MAP7: variants seen among roughly 807,000 people sequenced by gnomAD.
MAP7 encodes microtubule associated protein 7, also known as ensconsin.
Under a neutral mutation model 94.8 loss-of-function variants are expected in MAP7, and 52 were observed. That is an observed-to-expected ratio of 0.55 (90% CI 0.44 to 0.69). The LOEUF (loss-of-function observed/expected upper bound fraction) is 0.69, where lower values mean the gene tolerates loss of function less well. MAP7 is among the 30% of genes least tolerant of loss of function. The pLI is 0.00. For missense variants in MAP7, 940 were observed against 964.6 expected, an observed-to-expected ratio of 0.97 and a Z score of 0.34; for synonymous variants, 350 against 357.0, an observed-to-expected ratio of 0.98 and a Z score of 0.22.
chr6:136,423,756 A>G (rs558268661), intron 1 of MAP7, among the ~76,000 whole-genome samples: 32 of 148,142 alleles, frequency 2.2e-4, no homozygotes, highest in African/African-American at 7.7e-4. Context: ...CTCAGTAACA[A>G]TGGGAAAAAT....
intron 1 of MAP7, among the ~76,000 whole-genome samples, chr6:136,445,530 AC>A (rs1276423816): frequency 2.6e-5 from 4 of 152,172 alleles, no homozygotes; most frequent in African/African-American, 9.7e-5. Context: ...AATTTATAAA[AC>A]CTGTATCCTT....
chr6:136,469,144 T>C (rs1808119124), intron 1 of MAP7, among the ~76,000 whole-genome samples: 1 of 152,164 alleles, frequency 6.6e-6, no homozygotes, highest in South Asian at 2.1e-4. Context: ...CTATCAATTA[T>C]GTATCATCTT....
chr6:136,398,767 G>A (rs1783240271), intron 3 of MAP7, among the ~76,000 whole-genome samples: 1 of 152,110 alleles, frequency 6.6e-6, no homozygotes, highest in African/African-American at 2.4e-5. Context: ...CCAGTCTCAG[G>A]TATGTCTTTA....
intron 3 of MAP7, among the ~76,000 whole-genome samples, chr6:136,391,240 T>C (rs1260479263): frequency 6.6e-6 from 1 of 151,282 alleles, no homozygotes; most frequent in East Asian, 1.9e-4. Context: ...GATGAGTTCA[T>C]ATCCTTTGTA....
Position 136,344,185 on chromosome 6 carries a change from A to C in MAP7, c.*43T>G. On this transcript the variant is annotated 3_prime_UTR_variant, in exon 18 of 18. Coordinates refer to ENST00000354570, the MANE Select transcript of MAP7 (RefSeq NM_003980.6). ...AGGAAAGGAATTCCATTAATTGTAG[A>C]AATTCTCATTAAATTTCAGCTTTGG... 1 of 1,141,284 alleles carries C rather than the reference A, an allele frequency of 8.8e-7. No homozygotes were observed. Among genetic ancestry groups the C allele is most frequent in the Non-Finnish European group, 1.2e-6 (1 of 842,426 alleles). The allele number at this position is 1,141,284 out of a possible 1,614,324, so 70.7% of individuals were successfully genotyped here. A position where few individuals can be genotyped will look rare whatever the true frequency, so the allele number is the denominator to read the frequency against.
intron 6 of MAP7, among the ~76,000 whole-genome samples, chr6:136,382,943 A>C (rs1203234673): frequency 6.6e-6 from 1 of 152,216 alleles, no homozygotes; most frequent in Non-Finnish European, 1.5e-5. Context: ...AGCTTATCTT[A>C]AAAGCTTGAT....
At chr6:136,474,721 CTTT>C (rs55694865) in intron 1 of MAP7, among the ~76,000 whole-genome samples, 6 of 145,146 alleles carry the variant, frequency 4.1e-5, no homozygotes, top group Admixed American at 6.8e-5. Context: ...CAATCTAAAA[CTTT>C]TTTTTTTTTT....
intron 1 of MAP7, among the ~76,000 whole-genome samples, chr6:136,424,653 G>A (rs1048976204): frequency 3.9e-5 from 6 of 152,178 alleles, no homozygotes; most frequent in South Asian, 4.1e-4. Flanking sequence ...TCCTTCCAAC[G>A]TCTTCCCACA....
At chr6:136,529,614 C>T (rs1828310188) in intron 1 of MAP7, among the ~76,000 whole-genome samples, 1 of 152,096 alleles carries the variant, frequency 6.6e-6, no homozygotes. Flanking sequence ...TTAATAGAGG[C>T]TTTGTACAAA....
At chr6:136,438,112 A>G (rs1293642881) in intron 1 of MAP7, among the ~76,000 whole-genome samples, 3 of 152,220 alleles carry the variant, frequency 2.0e-5, no homozygotes, top group African/African-American at 7.2e-5. Flanking sequence ...CCCTTAACTG[A>G]TACTATAAAA....
intron 1 of MAP7, among the ~76,000 whole-genome samples, chr6:136,449,375 C>A (rs1800403072): frequency 6.6e-6 from 1 of 152,172 alleles, no homozygotes; most frequent in African/African-American, 2.4e-5. Flanking sequence ...TTTAACTGAG[C>A]AAAGAACAAT....
At chr6:136,489,294 A>C (rs1815780710) in intron 1 of MAP7, among the ~76,000 whole-genome samples, 1 of 152,174 alleles carries the variant, frequency 6.6e-6, no homozygotes, top group Admixed American at 6.5e-5. Context: ...AAAACAACTC[A>C]TGAAAATCCT....
Position 136,377,796 on chromosome 6 carries a change from A to T in MAP7, c.710T>A (p.Leu237Gln). 1 of 1,614,152 alleles carries T rather than the reference A, an allele frequency of 6.2e-7. No individual in the cohort carries two copies. ...NRLLTPTHSF[L>Q]ARSKSTAALS... ...GGCAGCTGTGCTTTTACTTCTGGCC[A>T]GGAACGAATGTGTGGGCGTCAGGAG... The change falls in exon 7 of 18, where the codon CTG (leucine) becomes CAG (glutamine). Residue 237 changes from leucine to glutamine, a missense_variant. Leu to Gln is a moderately radical substitution (Grantham distance 113). Transcript: ENST00000354570.
chr6:136,472,570 A>G (rs1337278703), intron 1 of MAP7, among the ~76,000 whole-genome samples: 1 of 152,128 alleles, frequency 6.6e-6, no homozygotes, highest in Non-Finnish European at 1.5e-5. Flanking sequence ...ACATTCACTC[A>G]TTGCTCCCAA....
chr6:136,534,469 T>G (rs900032906), intron 1 of MAP7, among the ~76,000 whole-genome samples: 1 of 152,258 alleles, frequency 6.6e-6, no homozygotes, highest in African/African-American at 2.4e-5. Context: ...ATGTTTGGGC[T>G]GAGCCCAGCT....
intron 1 of MAP7, among the ~76,000 whole-genome samples, chr6:136,485,342 T>C (rs1814286260): frequency 1.3e-5 from 2 of 152,208 alleles, no homozygotes; most frequent in African/African-American, 4.8e-5. Context: ...TATTGCAGGA[T>C]TGTCTTTAAA....
chr6:136,410,765 A>G (rs1278095509), intron 3 of MAP7, among the ~76,000 whole-genome samples: 1 of 152,240 alleles, frequency 6.6e-6, no homozygotes, highest in Non-Finnish European at 1.5e-5. Context: ...GGGATGAGAT[A>G]TAGGGGCAGA....
At chr6:136,511,140 G>A (rs1476794945) in intron 1 of MAP7, among the ~76,000 whole-genome samples, 1 of 152,086 alleles carries the variant, frequency 6.6e-6, no homozygotes, top group Non-Finnish European at 1.5e-5. Flanking sequence ...AGAAAATCTG[G>A]CTGATGATTA....
intron 3 of MAP7, among the ~76,000 whole-genome samples, chr6:136,395,283 T>C (rs1782106843): frequency 6.6e-6 from 1 of 151,940 alleles, no homozygotes; most frequent in Non-Finnish European, 1.5e-5. Flanking sequence ...CTATGTCTCA[T>C]TGTGATTTTG....
Sources: allele counts gnomAD v4.1 joint callset (sites outside exome capture counted in the v4.1 genomes callset), GRCh38; gene constraint gnomAD v4.1.1; transcripts MANE v1.5; gene names NCBI Gene and HGNC (gene_info 2026-07-23, HGNC 2026-07-21).